GABRB2: variants seen among roughly 807,000 people sequenced by gnomAD.
The protein encoded by GABRB2 is gamma-aminobutyric acid receptor subunit beta-2.
Under a neutral mutation model 54.7 loss-of-function variants are expected in GABRB2, and 16 were observed. That is an observed-to-expected ratio of 0.29 (90% CI 0.20 to 0.44). The LOEUF is 0.44. GABRB2 is among the 20% of genes least tolerant of loss of function. The pLI, the probability that GABRB2 is intolerant of heterozygous loss-of-function variation, is 1.00. For synonymous variants in GABRB2, 244 were observed against 233.8 expected (o/e 1.04, Z -0.40); for missense variants, 355 against 644.0 (o/e 0.55, Z 4.86).
chr5:161,416,801 T>C (rs973312371), intron 4 of GABRB2, among the ~76,000 whole-genome samples: 37 of 151,516 alleles, frequency 2.4e-4, no homozygotes, highest in Non-Finnish European at 1.5e-5. Context: ...GCTCAAAATG[T>C]GCATTTACAT....
intron 5 of GABRB2, among the ~76,000 whole-genome samples, chr5:161,347,182 C>T (rs1021931220): frequency 6.6e-6 from 1 of 152,060 alleles, no homozygotes; most frequent in Non-Finnish European, 1.5e-5. Flanking sequence ...CATGCATTGC[C>T]TCATCTAATC....
intron 3 of GABRB2, among the ~76,000 whole-genome samples, chr5:161,539,204 C>T (rs1207767901): frequency 6.6e-6 from 1 of 152,190 alleles, no homozygotes. Flanking sequence ...AAATTTGAAT[C>T]TTAAAATGCA....
intron 5 of GABRB2, 31 bp downstream of exon 5, chr5:161,410,944 C>A: frequency 1.9e-6 from 3 of 1,558,878 alleles, no homozygotes; most frequent in South Asian, 1.1e-5. Context: ...AAAGCAGAGT[C>A]CAGTCTAGCT....
chr5:161,383,607 C>T (rs1424864092), intron 5 of GABRB2, among the ~76,000 whole-genome samples: 1 of 152,096 alleles, frequency 6.6e-6, no homozygotes, highest in Non-Finnish European at 1.5e-5. Flanking sequence ...CTCAAGTGCT[C>T]AATAGCCACA....
intron 3 of GABRB2, among the ~76,000 whole-genome samples, chr5:161,530,808 G>A (rs958180257): frequency 1.3e-5 from 2 of 152,098 alleles, no homozygotes; most frequent in South Asian, 4.1e-4. Context: ...TGCTACACAT[G>A]CATACTAATA....
intron 3 of GABRB2, among the ~76,000 whole-genome samples, chr5:161,473,899 C>G (rs889723991): frequency 2.0e-5 from 3 of 151,894 alleles, no homozygotes; most frequent in Non-Finnish European, 4.4e-5. Flanking sequence ...ACAACCAGAA[C>G]CCCTGTTTTC....
chr5:161,347,753 T>C (rs1243393121), intron 5 of GABRB2, among the ~76,000 whole-genome samples: 3 of 152,120 alleles, frequency 2.0e-5, no homozygotes, highest in African/African-American at 7.2e-5. Flanking sequence ...TGAGTGACAA[T>C]AAATGTTTTT....
At chr5:161,320,703 A>G (rs1458157705) in intron 9 of GABRB2, among the ~76,000 whole-genome samples, 10 of 151,928 alleles carry the variant, frequency 6.6e-5, no homozygotes, top group Admixed American at 6.6e-4. Context: ...TTACTTTAGA[A>G]ATATCTCTAT....
At chr5:161,505,626 A>G (rs1375769028) in intron 3 of GABRB2, among the ~76,000 whole-genome samples, 1 of 152,208 alleles carries the variant, frequency 6.6e-6, no homozygotes, top group Non-Finnish European at 1.5e-5. Flanking sequence ...AAATGTCAAC[A>G]CACTTTAAAA....
chr5:161,488,927 T>C (rs1265684492), intron 3 of GABRB2, among the ~76,000 whole-genome samples: 1 of 151,796 alleles, frequency 6.6e-6, no homozygotes, highest in Non-Finnish European at 1.5e-5. Context: ...GCAAAGATCA[T>C]GATTTTTTAC....
intron 3 of GABRB2, among the ~76,000 whole-genome samples, chr5:161,472,348 G>C (rs867361704): frequency 3.3e-5 from 5 of 151,614 alleles, no homozygotes; most frequent in Middle Eastern, 3.4e-3. Context: ...CTTACTGCCA[G>C]TTTTGATTCT....
chr5:161,370,552 C>T (rs1053130521), intron 5 of GABRB2, among the ~76,000 whole-genome samples: 1 of 152,200 alleles, frequency 6.6e-6, no homozygotes. Flanking sequence ...TCTGTGACTT[C>T]CTATGGGCTC....
chr5:161,495,394 G>T (rs1759204490), intron 3 of GABRB2, among the ~76,000 whole-genome samples: 1 of 151,734 alleles, frequency 6.6e-6, no homozygotes, highest in Non-Finnish European at 1.5e-5. Flanking sequence ...GATTAACATA[G>T]CAAAATAATT....
intron 3 of GABRB2, among the ~76,000 whole-genome samples, chr5:161,532,082 G>A (rs188779760): frequency 1.2e-3 from 177 of 152,204 alleles, no homozygotes; most frequent in Non-Finnish European, 2.2e-3. Context: ...GAGCTCAACA[G>A]TGATGAGCTA....
chr5:161,354,696 C>T (rs1754565639), intron 5 of GABRB2, among the ~76,000 whole-genome samples: 1 of 151,984 alleles, frequency 6.6e-6, no homozygotes, highest in Admixed American at 6.6e-5. Flanking sequence ...TGGCACCTTG[C>T]TCAAAATCTT....
At chr5:161,464,733 G>A (rs1275580527) in intron 3 of GABRB2, among the ~76,000 whole-genome samples, 2 of 152,096 alleles carry the variant, frequency 1.3e-5, no homozygotes, top group Non-Finnish European at 2.9e-5. Context: ...CCAACTTATT[G>A]ATATAAGCAA....
intron 3 of GABRB2, among the ~76,000 whole-genome samples, chr5:161,484,962 T>C (rs6881515): frequency 0.21 from 31,465 of 151,958 alleles, 3,693 homozygotes; most frequent in Non-Finnish European, 0.27. Context: ...GCTCACCATT[T>C]ATGCTTCTGA....
intron 5 of GABRB2, among the ~76,000 whole-genome samples, chr5:161,354,890 C>A (rs1388063761): frequency 6.6e-6 from 1 of 151,926 alleles, no homozygotes; most frequent in Non-Finnish European, 1.5e-5. Context: ...TTTGTATAAT[C>A]CTAATATTAC....
At chr5:161,480,479 C>A (rs912918517) in intron 3 of GABRB2, among the ~76,000 whole-genome samples, 1 of 151,914 alleles carries the variant, frequency 6.6e-6, no homozygotes, top group African/African-American at 2.4e-5. Context: ...GTCTCCTCTG[C>A]AAACTGGGGA....
Sources: gnomAD v4.1 joint callset for allele counts (sites outside exome capture counted in the v4.1 genomes callset) on GRCh38, gnomAD v4.1.1 for gene constraint, MANE v1.5 for transcripts, NCBI Gene and HGNC (gene_info 2026-07-23, HGNC 2026-07-21) for gene names.